Variants in AGMO observed in about 807,000 individuals in gnomAD.
The protein encoded by AGMO is alkylglycerol monooxygenase.
AGMO carries 75 observed loss-of-function variants against 60.2 expected under a neutral mutation model. That is an observed-to-expected ratio of 1.25 (90% CI 1.03 to 1.51). The LOEUF (loss-of-function observed/expected upper bound fraction) is 1.51, where lower values mean the gene tolerates loss of function less well. Among genes scored for constraint, AGMO ranks in the 40% most tolerant of loss-of-function variants. The probability of loss-of-function intolerance (pLI) is 0.00; values close to 1 mark genes in which losing one functional copy is unlikely to be tolerated. For missense variants in AGMO, 763 were observed against 525.5 expected (o/e 1.45, Z -4.42); for synonymous variants, 261 against 177.1 (o/e 1.47, Z -3.76).
chr7:15,161,616 A>T, the AGMO span, among the ~76,000 whole-genome samples: 1 of 133,816 alleles, frequency 7.5e-6, no homozygotes, highest in Non-Finnish European at 1.6e-5. Flanking sequence ...TATAATCCAT[A>T]TATATCCCTA....
At chr7:15,284,000 C>T (rs984519898) in intron 12 of AGMO, among the ~76,000 whole-genome samples, 5 of 151,814 alleles carry the variant, frequency 3.3e-5, no homozygotes, top group Admixed American at 1.3e-4. Context: ...ACAATGAAAT[C>T]AAGATGGAAT....
chr7:15,436,808 C>G (rs1156354748), intron 3 of AGMO, among the ~76,000 whole-genome samples: 1 of 152,076 alleles, frequency 6.6e-6, no homozygotes, highest in Non-Finnish European at 1.5e-5. Context: ...TTCTCTGGGA[C>G]AATCATGGCA....
At chr7:15,397,371 C>T (rs945958448) in intron 5 of AGMO, among the ~76,000 whole-genome samples, 31 of 152,032 alleles carry the variant, frequency 2.0e-4, no homozygotes, top group Middle Eastern at 6.9e-3. Context: ...GCCCCGGCTC[C>T]CGCACCTCTC....
chr7:15,417,907 G>T (rs1193673985), intron 5 of AGMO, among the ~76,000 whole-genome samples: 1 of 152,046 alleles, frequency 6.6e-6, no homozygotes, highest in Non-Finnish European at 1.5e-5. Context: ...ATTTTTCTAG[G>T]TCTGTGATTT....
Position 15,382,223 on chromosome 7 carries a change from A to T in AGMO, c.1074+3223T>A, listed in dbSNP as rs561044607. On this transcript the variant is annotated intron_variant, in intron 10 of 12. Transcript: ENST00000342526. ...CTCAATACATTATTCAATAATCTCT[A>T]TAACAACTTTCTGAAAATCTATTTA... 3.3e-5 allele frequency among the ~76,000 whole-genome samples: 5 copies of T among 152,324 alleles called. No homozygotes were observed. The South Asian group carries it at 1.0e-3, about 32-fold the overall frequency.
At chr7:15,207,988 C>T (rs757434489) in intron 12 of AGMO, among the ~76,000 whole-genome samples, 5 of 151,820 alleles carry the variant, frequency 3.3e-5, no homozygotes, top group African/African-American at 4.8e-5. Context: ...ATAGATTTAC[C>T]ACAACTAACA....
At chr7:15,146,415 C>T in the AGMO span, among the ~76,000 whole-genome samples, 1 of 151,842 alleles carries the variant, frequency 6.6e-6, no homozygotes, top group South Asian at 2.1e-4. Context: ...ATTAGGGTTG[C>T]ATGAAAACTA....
chr7:15,349,876 T>C (rs576586666), intron 12 of AGMO, among the ~76,000 whole-genome samples: 8 of 152,226 alleles, frequency 5.3e-5, no homozygotes, highest in East Asian at 3.9e-4. Context: ...CCCCCAGTGA[T>C]TGAATTACCT....
chr7:15,168,717 G>A, the AGMO span, among the ~76,000 whole-genome samples: 1 of 152,208 alleles, frequency 6.6e-6, no homozygotes, highest in East Asian at 1.9e-4. Flanking sequence ...AAGGAAGTAT[G>A]CACGCTCTGT....
At chr7:15,547,967 C>A (rs543713286) in intron 2 of AGMO, among the ~76,000 whole-genome samples, 3 of 146,820 alleles carry the variant, frequency 2.0e-5, no homozygotes, top group African/African-American at 7.3e-5. Context: ...AGCTGGAGAT[C>A]TGAGAACAGG....
intron 3 of AGMO, among the ~76,000 whole-genome samples, chr7:15,483,384 G>T (rs1453765280): frequency 1.3e-5 from 2 of 150,428 alleles, no homozygotes; most frequent in African/African-American, 4.8e-5. Flanking sequence ...GGCTAACACG[G>T]TGAAACCCCG....
At chr7:15,135,003 T>A in the AGMO span, among the ~76,000 whole-genome samples, 1 of 152,028 alleles carries the variant, frequency 6.6e-6, no homozygotes, top group Non-Finnish European at 1.5e-5. Context: ...TTAAAAAAAC[T>A]AAATTACTAT....
At chr7:15,380,418 A>AATTATT (rs1583481686) in intron 10 of AGMO, among the ~76,000 whole-genome samples, 1 of 152,138 alleles carries the variant, frequency 6.6e-6, no homozygotes, top group East Asian at 1.9e-4. Flanking sequence ...TAATTGCCAC[A>AATTATT]AGAATAATAA....
chr7:15,490,238 T>C (rs1391858487), intron 3 of AGMO, among the ~76,000 whole-genome samples: 1 of 152,242 alleles, frequency 6.6e-6, no homozygotes, highest in African/African-American at 2.4e-5. Context: ...AATTAAATTA[T>C]TGTTCCTGAA....
At chr7:15,143,302 G>A in the AGMO span, among the ~76,000 whole-genome samples, 5 of 152,158 alleles carry the variant, frequency 3.3e-5, no homozygotes, top group Admixed American at 3.3e-4. Flanking sequence ...ATCCCCTGAC[G>A]TCATGCATTG....
At chr7:15,257,830 C>T (rs1317727284) in intron 12 of AGMO, among the ~76,000 whole-genome samples, 1 of 152,144 alleles carries the variant, frequency 6.6e-6, no homozygotes, top group African/African-American at 2.4e-5. Flanking sequence ...CTTCTGTGTG[C>T]AACTGTTGTG....
intron 12 of AGMO, among the ~76,000 whole-genome samples, chr7:15,248,316 T>C (rs1782828592): frequency 6.7e-6 from 1 of 148,816 alleles, no homozygotes; most frequent in Non-Finnish European, 1.5e-5. Context: ...ATATATAGCA[T>C]ACAAGAGGAT....
intron 2 of AGMO, among the ~76,000 whole-genome samples, chr7:15,554,908 A>C (rs928611676): frequency 6.6e-6 from 1 of 151,982 alleles, no homozygotes; most frequent in Non-Finnish European, 1.5e-5. Context: ...GTCTAAGGAT[A>C]ATTTAAGGTA....
At chr7:15,351,339 G>A (rs1451545733) in intron 12 of AGMO, among the ~76,000 whole-genome samples, 1 of 152,150 alleles carries the variant, frequency 6.6e-6, no homozygotes, top group African/African-American at 2.4e-5. Context: ...AGACTTGAAA[G>A]AGATATAACA....
Sources: allele counts gnomAD v4.1 joint callset (sites outside exome capture counted in the v4.1 genomes callset), GRCh38; gene constraint gnomAD v4.1.1; transcripts MANE v1.5; gene names NCBI Gene and HGNC (gene_info 2026-07-23, HGNC 2026-07-21).